NOL4: variants seen among roughly 807,000 people sequenced by gnomAD.
NOL4 encodes the protein cancer/testis antigen 125.
NOL4 carries 17 observed loss-of-function variants against 75.9 expected under a neutral mutation model. That is an observed-to-expected ratio of 0.22 (90% CI 0.15 to 0.34). NOL4 has a LOEUF of 0.34. Among genes scored for constraint, NOL4 ranks in the 10% least tolerant of loss-of-function variants. The probability of loss-of-function intolerance (pLI) is 1.00; values close to 1 mark genes in which losing one functional copy is unlikely to be tolerated. For missense variants in NOL4, 614 were observed against 793.5 expected (o/e 0.77, Z 2.72); for synonymous variants, 292 against 289.9 (o/e 1.01, Z -0.07).
intron 10 of NOL4, among the ~76,000 whole-genome samples, chr18:33,882,964 C>A (rs1036861621): frequency 1.3e-5 from 2 of 151,868 alleles, no homozygotes; most frequent in Admixed American, 6.6e-5. Flanking sequence ...GAACAAAAAA[C>A]CAAACACCGC....
intron 9 of NOL4, among the ~76,000 whole-genome samples, chr18:33,925,141 A>AAC (rs5823929): frequency 0.81 from 122,700 of 152,040 alleles, 49,508 homozygotes; most frequent in East Asian, 0.86. Flanking sequence ...AATATACAAT[A>AAC]ACACAAATAT....
intron 6 of NOL4, among the ~76,000 whole-genome samples, chr18:33,992,630 G>A (rs530431299): frequency 6.6e-6 from 1 of 152,116 alleles, no homozygotes; most frequent in East Asian, 1.9e-4. Flanking sequence ...AAAGCTACCA[G>A]TAAGAGGGCT....
intron 5 of NOL4, among the ~76,000 whole-genome samples, chr18:34,092,307 C>T (rs180767686): frequency 8.5e-5 from 13 of 152,176 alleles, no homozygotes; most frequent in Non-Finnish European, 1.6e-4. Context: ...TGCTTTTCTA[C>T]TACAATAGCT....
chr18:33,967,434 A>G (rs1173604995), intron 6 of NOL4, among the ~76,000 whole-genome samples: 1 of 152,166 alleles, frequency 6.6e-6, no homozygotes, highest in Non-Finnish European at 1.5e-5. Context: ...CTGAGTCCTC[A>G]AAAGCAACTG....
At chr18:33,860,817 T>C (rs1456852572) in intron 10 of NOL4, among the ~76,000 whole-genome samples, 1 of 152,078 alleles carries the variant, frequency 6.6e-6, no homozygotes, top group Non-Finnish European at 1.5e-5. Flanking sequence ...CATCAATACC[T>C]AATTTATTGA....
At chr18:33,962,829 A>G (rs563905518) in intron 6 of NOL4, among the ~76,000 whole-genome samples, 1 of 152,312 alleles carries the variant, frequency 6.6e-6, no homozygotes, top group South Asian at 2.1e-4. Flanking sequence ...GGGCTAATTC[A>G]TTCAATGCAG....
At chr18:33,898,562 C>T (rs919980307) in intron 9 of NOL4, among the ~76,000 whole-genome samples, 10 of 152,114 alleles carry the variant, frequency 6.6e-5, no homozygotes, top group Non-Finnish European at 1.3e-4. Flanking sequence ...CTTAGTACCA[C>T]TTCCTTCAGT....
intron 1 of NOL4, chr18:34,221,092 T>C (rs575953358): frequency 3.3e-5 from 5 of 152,334 alleles, no homozygotes; most frequent in African/African-American, 7.2e-5. Flanking sequence ...TGTTAACACA[T>C]ATAGTGGGTG....
chr18:34,036,122 A>G (rs2075883758), intron 5 of NOL4, among the ~76,000 whole-genome samples: 1 of 152,174 alleles, frequency 6.6e-6, no homozygotes, highest in Non-Finnish European at 1.5e-5. Flanking sequence ...AACTCATTCT[A>G]TAAGGCCAAT....
chr18:34,013,716 ACT>A (rs1241053111), intron 6 of NOL4, among the ~76,000 whole-genome samples: 4 of 151,924 alleles, frequency 2.6e-5, no homozygotes, highest in Non-Finnish European at 4.4e-5. Flanking sequence ...CCTAGAGGAG[ACT>A]CACACACAAA....
intron 6 of NOL4, among the ~76,000 whole-genome samples, chr18:33,985,092 A>G (rs1213983800): frequency 6.6e-6 from 1 of 152,166 alleles, no homozygotes; most frequent in African/African-American, 2.4e-5. Flanking sequence ...ATAGTGTTTC[A>G]GAACAAAAAC....
intron 6 of NOL4, among the ~76,000 whole-genome samples, chr18:33,983,365 C>A (rs569295710): frequency 2.6e-5 from 4 of 151,458 alleles, no homozygotes; most frequent in Non-Finnish European, 4.4e-5. Context: ...TGTAGGTTCA[C>A]TGATTATAAC....
intron 4 of NOL4, among the ~76,000 whole-genome samples, chr18:34,098,963 C>T (rs1485444704): frequency 6.6e-6 from 1 of 152,064 alleles, no homozygotes; most frequent in African/African-American, 2.4e-5. Context: ...TTTTTCTCTC[C>T]ACATCAATTC....
Position 33,903,830 on chromosome 18 carries a change from T to C in NOL4, c.1543-20406A>G, listed in dbSNP as rs73414355. ...GAATTTAAAAACAATTCAATCCCACTAGGCCAATCCATTTTGCACTGCAAA... is the reference window on the plus strand; with the variant it reads ...GAATTTAAAAACAATTCAATCCCACCAGGCCAATCCATTTTGCACTGCAAA... On this transcript the variant is annotated intron_variant, in intron 9 of 10. Coordinates refer to ENST00000261592, the MANE Select transcript of NOL4 (RefSeq NM_003787.5). Among the ~76,000 whole-genome samples the C allele has an allele frequency of 5.5e-3, 842 of 152,238 alleles. 13 individuals are homozygous for C. Among genetic ancestry groups the C allele is most frequent in the African/African-American group, 0.019 (792 of 41,560 alleles).
intron 5 of NOL4, among the ~76,000 whole-genome samples, chr18:34,068,744 G>A (rs1382651415): frequency 6.6e-6 from 1 of 152,094 alleles, no homozygotes; most frequent in African/African-American, 2.4e-5. Context: ...TATTCCAAAA[G>A]CTTTTCCAAT....
chr18:33,991,532 A>AT (rs545863570), intron 6 of NOL4, among the ~76,000 whole-genome samples: 90 of 151,772 alleles, frequency 5.9e-4, no homozygotes, highest in Non-Finnish European at 1.1e-3. Flanking sequence ...ATTACACTGC[A>AT]TTTTTTTTAC....
intron 1 of NOL4, among the ~76,000 whole-genome samples, chr18:34,132,398 C>T (rs990355329): frequency 1.3e-5 from 2 of 152,158 alleles, no homozygotes; most frequent in African/African-American, 4.8e-5. Context: ...TAGGAGCATA[C>T]ATTTGAAAAG....
intron 9 of NOL4, among the ~76,000 whole-genome samples, chr18:33,935,907 T>C (rs1399294099): frequency 2.0e-5 from 3 of 152,026 alleles, no homozygotes; most frequent in Non-Finnish European, 4.4e-5. Flanking sequence ...AGGAGTAAAG[T>C]AAAAAGCTGA....
At chr18:33,981,963 A>G (rs2071996874) in intron 6 of NOL4, among the ~76,000 whole-genome samples, 1 of 152,126 alleles carries the variant, frequency 6.6e-6, no homozygotes, top group African/African-American at 2.4e-5. Flanking sequence ...ATGAATCTAT[A>G]TAGTCTTATT....
Sources: allele counts gnomAD v4.1 joint callset (sites outside exome capture counted in the v4.1 genomes callset), GRCh38; gene constraint gnomAD v4.1.1; transcripts MANE v1.5; gene names NCBI Gene and HGNC (gene_info 2026-07-23, HGNC 2026-07-21).